The following EXT1 variants were observed in gnomAD, a reference collection of about 807,000 sequenced individuals.
EXT1 encodes the protein exostosin-1.
Under a neutral mutation model 82.5 loss-of-function variants are expected in EXT1, and 20 were observed. The observed-to-expected ratio is 0.24, with a 90% CI of 0.17 to 0.35. The LOEUF (loss-of-function observed/expected upper bound fraction) is 0.35, where lower values mean the gene tolerates loss of function less well. Among genes scored for constraint, EXT1 ranks in the 10% least tolerant of loss-of-function variants. EXT1 has a pLI of 1.00. For synonymous variants in EXT1, 348 were observed against 350.8 expected (o/e 0.99, Z 0.09); for missense variants, 757 against 936.5 (o/e 0.81, Z 2.50).
At chr8:118,035,725 T>C (rs1277979271) in intron 1 of EXT1, among the ~76,000 whole-genome samples, 1 of 152,158 alleles carries the variant, frequency 6.6e-6, no homozygotes, top group Non-Finnish European at 1.5e-5. Context: ...ACAATTTCTT[T>C]CACCACATAG....
chr8:117,955,188 G>A (rs111929317), intron 1 of EXT1, among the ~76,000 whole-genome samples: 3 of 152,268 alleles, frequency 2.0e-5, no homozygotes, highest in African/African-American at 4.8e-5. Flanking sequence ...TGGAGTCGGG[G>A]TGCACCATCC....
At chr8:117,822,151 G>T (rs185541932) in intron 5 of EXT1, among the ~76,000 whole-genome samples, 3 of 151,940 alleles carry the variant, frequency 2.0e-5, no homozygotes, top group African/African-American at 7.2e-5. Flanking sequence ...TATATGATGA[G>T]GCTTAAAATG....
intron 1 of EXT1, among the ~76,000 whole-genome samples, chr8:118,047,448 G>A (rs1816640303): frequency 6.6e-6 from 1 of 152,100 alleles, no homozygotes; most frequent in Non-Finnish European, 1.5e-5. Flanking sequence ...CAGGGCCCAG[G>A]ACATAGAGAG....
At chr8:117,836,840 C>T (rs1328441796) in intron 2 of EXT1, among the ~76,000 whole-genome samples, 1 of 152,152 alleles carries the variant, frequency 6.6e-6, no homozygotes, top group African/African-American at 2.4e-5. Flanking sequence ...GCCTGGTAGG[C>T]CAAGCTGGCA....
chr8:118,056,389 T>G lies in EXT1; in HGVS notation c.962+53696A>C, dbSNP rs1816794428. Among the ~76,000 whole-genome samples the G allele has an allele frequency of 2.0e-5, 3 of 152,242 alleles. 1 individual carries two copies. In the South Asian group the frequency reaches 6.2e-4, roughly 32 times the overall value. ...AACTAGCAGCTCCCTGTGAATCATC[T>G]GATTACTCATTCATCAGAGAGAAGG... On this transcript the variant is annotated intron_variant, in intron 1 of 10. Transcript: ENST00000378204.
chr8:117,796,559 A>G lies in EXT1; in HGVS notation c.*3153T>C, dbSNP rs1435164393. The G allele has an allele frequency of 6.6e-6, 1 of 152,208 alleles. No individual in the cohort carries two copies. Among genetic ancestry groups the G allele is most frequent in the Non-Finnish European group, 1.5e-5 (1 of 68,030 alleles). The allele number at this position is 152,208 out of a possible 1,614,324, so 9.4% of individuals were successfully genotyped here. Reference sequence around the variant, plus strand: ...AACCAAAAGTCATTCTAAAAGGGAAATTGAAGGATGCAACCGGATTGATCC... The same window carrying G: ...AACCAAAAGTCATTCTAAAAGGGAAGTTGAAGGATGCAACCGGATTGATCC... On this transcript the variant is annotated 3_prime_UTR_variant, in exon 11 of 11. Coordinates refer to ENST00000378204, the MANE Select transcript of EXT1 (RefSeq NM_000127.3).
chr8:118,047,317 C>T (rs1416702968), intron 1 of EXT1, among the ~76,000 whole-genome samples: 1 of 152,178 alleles, frequency 6.6e-6, no homozygotes, highest in African/African-American at 2.4e-5. Flanking sequence ...AGAACAATCC[C>T]TTACTAGCTA....
At chr8:118,085,728 A>C (rs1465776015) in intron 1 of EXT1, among the ~76,000 whole-genome samples, 1 of 152,154 alleles carries the variant, frequency 6.6e-6, no homozygotes, top group Non-Finnish European at 1.5e-5. Flanking sequence ...GGAGGCAAAA[A>C]AAAAAAGCAG....
At chr8:118,087,953 A>G (rs967896960) in intron 1 of EXT1, among the ~76,000 whole-genome samples, 5 of 151,944 alleles carry the variant, frequency 3.3e-5, no homozygotes, top group African/African-American at 2.4e-5. Flanking sequence ...AAAAAAAAAA[A>G]AAAAAAATCC....
At chr8:118,107,867 C>A (rs934092621) in intron 1 of EXT1, among the ~76,000 whole-genome samples, 7 of 152,152 alleles carry the variant, frequency 4.6e-5, no homozygotes, top group Non-Finnish European at 1.0e-4. Context: ...AAGTTTAGGG[C>A]TGGAAGGTAT....
chr8:118,063,599 C>A (rs772647362), intron 1 of EXT1, among the ~76,000 whole-genome samples: 1 of 152,190 alleles, frequency 6.6e-6, no homozygotes, highest in Non-Finnish European at 1.5e-5. Flanking sequence ...TGAATTGCTT[C>A]AGTTCTCTGT....
Position 118,111,312 on chromosome 8 carries a change from G to A in EXT1, c.-266C>T, listed in dbSNP as rs76805972. The stretch of plus-strand genomic sequence containing the variant: ...GGGCTGAATATCTCGCACCCAGGGC[G>A]GGCGAGCAGCGGACTGTAATTTTCT... On this transcript the variant is annotated 5_prime_UTR_variant, in exon 1 of 11. Coordinates refer to ENST00000378204, the MANE Select transcript of EXT1 (RefSeq NM_000127.3). 0.016 allele frequency: 9,645 copies of A among 605,204 alleles called. 466 individuals carry two copies. Among genetic ancestry groups the A allele is most frequent in the African/African-American group, 0.12 (6,680 of 54,046 alleles). The allele number at this position is 605,204 out of a possible 1,614,324, so 37.5% of individuals were successfully genotyped here.
rs1181366390 is a variant in EXT1 at position 117,858,844 on chromosome 8, GGAAAGAAAGAAA to G, written c.963-21655_963-21644del. On this transcript the variant is annotated intron_variant, in intron 1 of 10. Transcript: ENST00000378204. Reference sequence around the variant, plus strand: ...AGGAAGGAAGGAAGGAAGGAAGGAAGGAAAGAAAGAAAGAAAGAAAGAAAGAAAGAAAGAAAG... The same window carrying G: ...AGGAAGGAAGGAAGGAAGGAAGGAAGGAAAGAAAGAAAGAAAGAAAGAAAG... Among the ~76,000 whole-genome samples, 284 of 85,164 alleles carry G rather than the reference GGAAAGAAAGAAA, an allele frequency of 3.3e-3. 4 individuals are homozygous for G. The highest frequency in any genetic ancestry group is 5.1e-3 in the African/African-American group (96 of 18,696). 55.9% of individuals were successfully genotyped at this position (85,164 alleles called of 152,430 possible). A position where few individuals can be genotyped will look rare whatever the true frequency, so the allele number is the denominator to read the frequency against.
At chr8:117,946,712 G>A (rs759895847) in intron 1 of EXT1, among the ~76,000 whole-genome samples, 1 of 152,142 alleles carries the variant, frequency 6.6e-6, no homozygotes, top group Non-Finnish European at 1.5e-5. Flanking sequence ...AGGGTGGGAG[G>A]GCCCACGGCC....
intron 1 of EXT1, among the ~76,000 whole-genome samples, chr8:117,909,732 G>A (rs1813609949): frequency 6.6e-6 from 1 of 151,704 alleles, no homozygotes; most frequent in Non-Finnish European, 1.5e-5. Flanking sequence ...TTCATTTCCT[G>A]GAAATCCTGC....
At chr8:117,955,029 T>A (rs756590154) in intron 1 of EXT1, among the ~76,000 whole-genome samples, 9 of 152,176 alleles carry the variant, frequency 5.9e-5, no homozygotes, top group Non-Finnish European at 1.3e-4. Context: ...AGTTCAATCG[T>A]TTGCTAGAAG....
chr8:117,949,576 C>A (rs1814453213), intron 1 of EXT1, among the ~76,000 whole-genome samples: 1 of 150,380 alleles, frequency 6.6e-6, no homozygotes, highest in Non-Finnish European at 1.5e-5. Context: ...GGAAGTTATT[C>A]ATTTAAGCTT....
intron 1 of EXT1, among the ~76,000 whole-genome samples, chr8:118,100,224 A>G (rs1193893600): frequency 6.6e-6 from 1 of 152,140 alleles, no homozygotes; most frequent in East Asian, 1.9e-4. Flanking sequence ...GGAACAAAGG[A>G]GCCTGGCCCA....
At chr8:118,017,395 G>A (rs1816022691) in intron 1 of EXT1, among the ~76,000 whole-genome samples, 4 of 152,052 alleles carry the variant, frequency 2.6e-5, no homozygotes, top group Admixed American at 2.6e-4. Flanking sequence ...GTTATTTGAC[G>A]CATGTTTTTA....
Sources: allele counts gnomAD v4.1 joint callset (sites outside exome capture counted in the v4.1 genomes callset), GRCh38; gene constraint gnomAD v4.1.1; transcripts MANE v1.5; gene names NCBI Gene and HGNC (gene_info 2026-07-23, HGNC 2026-07-21).